Variants in FSHR observed in about 807,000 individuals in gnomAD.
FSHR encodes the protein follicle-stimulating hormone receptor.
A neutral mutation model predicts 52.1 loss-of-function variants in FSHR; 46 were observed. That is an observed-to-expected ratio of 0.88 (90% CI 0.70 to 1.13). FSHR has a LOEUF of 1.13. Among genes scored for constraint, FSHR ranks in the 50% most tolerant of loss-of-function variants. FSHR has a pLI of 0.00. For missense variants in FSHR, 964 were observed against 834.6 expected (o/e 1.16, Z -1.91); for synonymous variants, 399 against 309.6 (o/e 1.29, Z -3.03).
At chr2:49,031,815 T>C (rs891058510) in intron 2 of FSHR, among the ~76,000 whole-genome samples, 1 of 152,250 alleles carries the variant, frequency 6.6e-6, no homozygotes, top group Non-Finnish European at 1.5e-5. Context: ...TATTTACTTC[T>C]ATAAAACTTT....
intron 2 of FSHR, among the ~76,000 whole-genome samples, chr2:49,055,632 A>G (rs979290161): frequency 6.6e-6 from 1 of 151,878 alleles, no homozygotes; most frequent in Non-Finnish European, 1.5e-5. Flanking sequence ...AAGTCAAAGA[A>G]AAAGGCAAAC....
intron 1 of FSHR, among the ~76,000 whole-genome samples, chr2:49,079,148 A>G (rs1487009816): frequency 6.6e-6 from 1 of 152,164 alleles, no homozygotes; most frequent in East Asian, 1.9e-4. Flanking sequence ...CAAAAGTTAT[A>G]CCATATCAAG....
chr2:49,132,397 C>T (rs1672311616), intron 1 of FSHR, among the ~76,000 whole-genome samples: 1 of 152,222 alleles, frequency 6.6e-6, no homozygotes, highest in South Asian at 2.1e-4. Context: ...TCTAATAAAT[C>T]AAAGGAGCAC....
chr2:48,996,009 A>G (rs10490115), intron 4 of FSHR, among the ~76,000 whole-genome samples: 6,746 of 152,116 alleles, frequency 0.044, 463 homozygotes, highest in African/African-American at 0.15. Flanking sequence ...AATTTGATTA[A>G]GAGAGAGGAT....
At chr2:48,965,425 T>G (rs1198071964) in intron 9 of FSHR, among the ~76,000 whole-genome samples, 1 of 152,184 alleles carries the variant, frequency 6.6e-6, no homozygotes. Context: ...TGAAAGTGAA[T>G]GGAAACGGAG....
intron 1 of FSHR, among the ~76,000 whole-genome samples, chr2:49,131,576 T>C (rs1672279004): frequency 6.6e-6 from 1 of 152,236 alleles, no homozygotes. Context: ...ATTTTGTTTC[T>C]TTCTACCTAA....
intron 2 of FSHR, among the ~76,000 whole-genome samples, chr2:49,024,986 C>A (rs1359267806): frequency 6.6e-6 from 1 of 152,198 alleles, no homozygotes; most frequent in African/African-American, 2.4e-5. Flanking sequence ...AGGACAGTGA[C>A]ATTGCCCTTT....
At chr2:49,054,012 AG>A (rs1362166275) in intron 2 of FSHR, among the ~76,000 whole-genome samples, 1 of 152,226 alleles carries the variant, frequency 6.6e-6, no homozygotes, top group Non-Finnish European at 1.5e-5. Flanking sequence ...AAGAAAATAA[AG>A]ATGTGTGAAC....
At chr2:49,139,135 T>A (rs991807279) in intron 1 of FSHR, among the ~76,000 whole-genome samples, 1 of 152,234 alleles carries the variant, frequency 6.6e-6, no homozygotes, top group African/African-American at 2.4e-5. Flanking sequence ...CTCAAGCTCA[T>A]CTGGCAATGT....
intron 1 of FSHR, among the ~76,000 whole-genome samples, chr2:49,101,039 T>C (rs916314635): frequency 3.9e-5 from 6 of 152,150 alleles, no homozygotes; most frequent in Non-Finnish European, 7.4e-5. Flanking sequence ...CTGAAACATA[T>C]GCAATGGTGT....
chr2:49,061,750 CTATT>C lies in FSHR; in HGVS notation c.224+6465_224+6468del, dbSNP rs373120301. Among the ~76,000 whole-genome samples, 30 of 58,422 alleles carry C rather than the reference CTATT, an allele frequency of 5.1e-4. No individual in the cohort carries two copies. In the East Asian group the frequency reaches 6.6e-3, roughly 13 times the overall value. The allele number at this position is 58,422 out of a possible 152,430, so 38.3% of individuals were successfully genotyped here. A position where few individuals can be genotyped will look rare whatever the true frequency, so the allele number is the denominator to read the frequency against. On this transcript the variant is annotated intron_variant, in intron 2 of 9. Coordinates refer to ENST00000406846, the MANE Select transcript of FSHR (RefSeq NM_000145.4). ...AAAATATATAGCTATTTATATATAACTATTTATATATAACTATATATAACTCTAT... is the reference window on the plus strand; with the variant it reads ...AAAATATATAGCTATTTATATATAACTATATATAACTATATATAACTCTAT...
intron 1 of FSHR, among the ~76,000 whole-genome samples, chr2:49,090,480 T>G (rs1670563668): frequency 6.6e-6 from 1 of 152,244 alleles, no homozygotes; most frequent in African/African-American, 2.4e-5. Flanking sequence ...AGTATTCCAC[T>G]GTATGAATAT....
intron 2 of FSHR, among the ~76,000 whole-genome samples, chr2:49,021,071 C>A (rs998296679): frequency 6.6e-6 from 1 of 151,948 alleles, no homozygotes; most frequent in African/African-American, 2.4e-5. Context: ...ACCTGCACAT[C>A]CTGCACATGT....
At chr2:49,118,477 T>G (rs548801446) in intron 1 of FSHR, among the ~76,000 whole-genome samples, 2 of 152,158 alleles carry the variant, frequency 1.3e-5, no homozygotes, top group African/African-American at 4.8e-5. Flanking sequence ...AGAGGTGTCA[T>G]GTGAAGTGGC....
intron 1 of FSHR, among the ~76,000 whole-genome samples, chr2:49,069,066 T>G (rs776396372): frequency 6.1e-4 from 93 of 152,234 alleles, no homozygotes; most frequent in Non-Finnish European, 1.1e-3. Context: ...GAAATAATTG[T>G]CTCACGCTTG....
intron 2 of FSHR, among the ~76,000 whole-genome samples, chr2:49,049,467 G>GA (rs1668775630): frequency 6.6e-6 from 1 of 152,080 alleles, no homozygotes; most frequent in Admixed American, 6.6e-5. Flanking sequence ...GTACCAAGCA[G>GA]AAGTCATCAG....
chr2:49,107,672 T>G (rs1019313821), intron 1 of FSHR, among the ~76,000 whole-genome samples: 7 of 152,178 alleles, frequency 4.6e-5, no homozygotes, highest in Non-Finnish European at 8.8e-5. Flanking sequence ...AAACTATTGG[T>G]AGGCTTTATA....
chr2:48,990,892 T>TA lies in FSHR; in HGVS notation c.375-256dup, dbSNP rs10644983. The stretch of plus-strand genomic sequence containing the variant: ...GGGATTAGGATGCCACAGTATACAT[T>TA]AAAAAAAAAACGATTGATAAGTTAA... On this transcript the variant is annotated intron_variant, in intron 4 of 9. Coordinates refer to ENST00000406846, the MANE Select transcript of FSHR (RefSeq NM_000145.4). 0.022 allele frequency among the ~76,000 whole-genome samples: 3,266 copies of TA among 149,074 alleles called. 110 individuals carry two copies. Among genetic ancestry groups the TA allele is most frequent in the African/African-American group, 0.069 (2,786 of 40,552 alleles).
intron 1 of FSHR, among the ~76,000 whole-genome samples, chr2:49,147,807 CAT>C (rs1490575687): frequency 6.6e-6 from 1 of 151,780 alleles, no homozygotes; most frequent in East Asian, 1.9e-4. Flanking sequence ...TGGACATAGA[CAT>C]ATCATTTCTC....
Sources: allele counts gnomAD v4.1 joint callset (sites outside exome capture counted in the v4.1 genomes callset), GRCh38; gene constraint gnomAD v4.1.1; transcripts MANE v1.5; gene names NCBI Gene and HGNC (gene_info 2026-07-23, HGNC 2026-07-21).